EHMT1: variants seen among roughly 807,000 people sequenced by gnomAD.
EHMT1 encodes euchromatic histone lysine methyltransferase 1, also known as histone-lysine N-methyltransferase EHMT1.
Under a neutral mutation model 147.2 loss-of-function variants are expected in EHMT1, and 15 were observed. The observed-to-expected ratio is 0.10, with a 90% CI of 0.07 to 0.16. The LOEUF is 0.16. Among genes scored for constraint, EHMT1 ranks in the 10% least tolerant of loss-of-function variants. EHMT1 has a pLI of 1.00. For missense variants in EHMT1, 1,587 were observed against 1,772.4 expected (o/e 0.90, Z 1.88); for synonymous variants, 795 against 709.6 (o/e 1.12, Z -1.91).
rs1955943397 is a variant in EHMT1, at chr9:137,828,132, T to G, written c.3541-6217T>G. 6.6e-6 allele frequency among the ~76,000 whole-genome samples: 1 copy of G among 152,078 alleles called. No individual in the cohort carries two copies. Among genetic ancestry groups the G allele is most frequent in the African/African-American group, 2.4e-5 (1 of 41,418 alleles). On this transcript the variant is annotated intron_variant, in intron 25 of 26. Transcript: ENST00000460843. This position sits in a 1 kb window ranked among gnomAD's most constrained non-coding sequence, Gnocchi z 5.3. Reference sequence around the variant, plus strand: ...GTTGATGGCCCATGGGGGCGGCCCCTTTGTCTCTTGGGGCTACAGCCTGTG... The same window carrying G: ...GTTGATGGCCCATGGGGGCGGCCCCGTTGTCTCTTGGGGCTACAGCCTGTG...
At chr9:137,777,010 C>A in intron 12 of EHMT1, 166 bp downstream of exon 12, 2 of 701,198 alleles carry the variant, frequency 2.9e-6, no homozygotes, top group Non-Finnish European at 4.7e-6. Context: ...CATTTATTGC[C>A]ATTTGTGCAT....
intron 23 of EHMT1, chr9:137,816,999 C>G (rs967408197): frequency 4.0e-6 from 1 of 249,652 alleles, no homozygotes; most frequent in Non-Finnish European, 7.9e-6. Flanking sequence ...GAGAAACCCT[C>G]GACCGCCACC....
intron 16 of EHMT1, among the ~76,000 whole-genome samples, chr9:137,795,378 A>G (rs1445054855): frequency 7.1e-6 from 1 of 141,392 alleles, no homozygotes; most frequent in Non-Finnish European, 1.6e-5. Context: ...GTCCTGGGCC[A>G]GGACACCATC....
chr9:137,757,314 G>A (rs868057438), intron 8 of EHMT1, among the ~76,000 whole-genome samples: 16 of 152,188 alleles, frequency 1.1e-4, no homozygotes, highest in Admixed American at 2.6e-4. Flanking sequence ...TGTGGGTGTC[G>A]TGAGCCTCCC....
chr9:137,689,689 C>T (rs935105263), intron 1 of EHMT1, among the ~76,000 whole-genome samples: 3 of 152,086 alleles, frequency 2.0e-5, no homozygotes, highest in Non-Finnish European at 4.4e-5. Flanking sequence ...GGTGACAGAG[C>T]AAGACTCCGT....
intron 10 of EHMT1, among the ~76,000 whole-genome samples, chr9:137,765,750 C>T (rs935709769): frequency 2.0e-5 from 3 of 150,260 alleles, no homozygotes; most frequent in Admixed American, 6.7e-5. Context: ...ACTCCCACAA[C>T]GCCCACTTCC....
At chr9:137,680,875 G>C (rs1472843168) in intron 1 of EHMT1, 1 of 152,346 alleles carries the variant, frequency 6.6e-6, no homozygotes, top group East Asian at 1.9e-4. Flanking sequence ...AGATGAGCAG[G>C]GGACAGCAGA....
At chr9:137,757,388 G>A (rs181180928) in intron 8 of EHMT1, among the ~76,000 whole-genome samples, 40 of 152,344 alleles carry the variant, frequency 2.6e-4, no homozygotes, top group African/African-American at 9.4e-4. Flanking sequence ...CAGGACGCCC[G>A]GGAGGTCATT....
At position 137,824,306 on chromosome 9, in the gene EHMT1, A is replaced by T. The variant is rs115203591; in HGVS notation, c.3540+6168A>T. Among the ~76,000 whole-genome samples the T allele has an allele frequency of 3.4e-3, 519 of 152,180 alleles. 2 individuals carry two copies. Among genetic ancestry groups the T allele is most frequent in the African/African-American group, 0.011 (443 of 41,532 alleles). The stretch of plus-strand genomic sequence containing the variant: ...CCATGTGGACAGTTAATCCAGCACC[A>T]CTAGTTCTGCTTATACCAGCTGATG... On this transcript the variant is annotated intron_variant, in intron 25 of 26. Coordinates refer to ENST00000460843, the MANE Select transcript of EHMT1 (RefSeq NM_024757.5).
chr9:137,646,530 A>C (rs1844895920), intron 1 of EHMT1: 3 of 818,496 alleles, frequency 3.7e-6, no homozygotes, highest in Non-Finnish European at 4.3e-6. Context: ...TGGCTGCCCA[A>C]CCCTGGAGCC....
intron 1 of EHMT1, among the ~76,000 whole-genome samples, chr9:137,669,146 C>G (rs556168910): frequency 9.4e-4 from 143 of 152,236 alleles, no homozygotes; most frequent in African/African-American, 3.1e-3. Context: ...CTAGGCCTCT[C>G]AAAGTGCTGA....
chr9:137,639,709 C>G (rs531799076), intron 1 of EHMT1, among the ~76,000 whole-genome samples: 51 of 152,270 alleles, frequency 3.3e-4, no homozygotes, highest in African/African-American at 1.1e-3. Context: ...GAAGGGATGT[C>G]TCTTACAGTC....
intron 18 of EHMT1, among the ~76,000 whole-genome samples, chr9:137,802,193 G>A (rs932060016): frequency 6.6e-6 from 1 of 152,184 alleles, no homozygotes; most frequent in Non-Finnish European, 1.5e-5. Flanking sequence ...TGTGGCACTG[G>A]GCACGACAGC....
Position 137,832,483 on chromosome 9 carries a change from T to G in EHMT1, c.3541-1866T>G, listed in dbSNP as rs569769989. 17 of 149,362 alleles carry G rather than the reference T, an allele frequency of 1.1e-4. No individual in the cohort carries two copies. In the South Asian group the frequency reaches 3.3e-3, roughly 29 times the overall value. 9.3% of individuals were successfully genotyped at this position (149,362 alleles called of 1,614,324 possible). On this transcript the variant is annotated intron_variant, in intron 25 of 26. Coordinates refer to ENST00000460843, the MANE Select transcript of EHMT1 (RefSeq NM_024757.5). ...CAGGCCCCGCCTCCCACGCGGCCTC[T>G]GCACCTCGCTCCAGTCCTAGGATTG...
At chr9:137,678,541 C>T (rs1296005477) in intron 1 of EHMT1, among the ~76,000 whole-genome samples, 1 of 152,154 alleles carries the variant, frequency 6.6e-6, no homozygotes, top group Non-Finnish European at 1.5e-5. Context: ...TGTCTCGCCG[C>T]GTTGGGATAG....
intron 10 of EHMT1, among the ~76,000 whole-genome samples, chr9:137,766,401 G>A (rs1203513737): frequency 6.6e-6 from 1 of 152,214 alleles, no homozygotes; most frequent in Non-Finnish European, 1.5e-5. Context: ...GGTCACTTGA[G>A]CTCAGGAGTT....
chr9:137,634,868 AT>A (rs781056803), intron 1 of EHMT1, among the ~76,000 whole-genome samples: 1,140 of 92,060 alleles, frequency 0.012, 8 homozygotes, highest in African/African-American at 0.039. Flanking sequence ...TGCCCAGCTA[AT>A]TTTTTTTTTT....
intron 1 of EHMT1, among the ~76,000 whole-genome samples, chr9:137,669,139 G>A (rs1940091872): frequency 6.6e-6 from 1 of 152,100 alleles, no homozygotes; most frequent in African/African-American, 2.4e-5. Context: ...CGCCTGCCTA[G>A]GCCTCTCAAA....
At chr9:137,830,332 G>T (rs914603944) in intron 25 of EHMT1, among the ~76,000 whole-genome samples, 3 of 152,182 alleles carry the variant, frequency 2.0e-5, no homozygotes, top group African/African-American at 7.2e-5. Flanking sequence ...GGAAGAGAAA[G>T]ATTTTTAGAC....
Sources: gnomAD v4.1 joint callset for allele counts (sites outside exome capture counted in the v4.1 genomes callset) on GRCh38, gnomAD v4.1.1 for gene constraint, Gnocchi (gnomAD v3.1) non-coding constraint, MANE v1.5 for transcripts, NCBI Gene and HGNC (gene_info 2026-07-23, HGNC 2026-07-21) for gene names.